Variants in AZIN2 observed in about 807,000 individuals in gnomAD.
AZIN2 encodes the protein ODC antizyme inhibitor-2.
Under a neutral mutation model 47.8 loss-of-function variants are expected in AZIN2, and 28 were observed. The observed-to-expected ratio is 0.59, with a 90% confidence interval of 0.43 to 0.80. AZIN2 has a LOEUF of 0.80. AZIN2 is among the 30% of genes least tolerant of loss of function. AZIN2 has a pLI of 0.00. For synonymous variants in AZIN2, 221 were observed against 239.4 expected, an observed-to-expected ratio of 0.92 and a Z score of 0.71; for missense variants, 535 against 582.5, an observed-to-expected ratio of 0.92 and a Z score of 0.84.
At chr1:33,119,639 A>G (rs554558174) in intron 11 of AZIN2, 3 of 195,436 alleles carry the variant, frequency 1.5e-5, no homozygotes, top group Non-Finnish European at 3.2e-5. Flanking sequence ...CTTTCGAGTG[A>G]GAGTTGGGTT....
At chr1:33,125,731 C>T (rs186795498), downstream of AZIN2, among the ~76,000 whole-genome samples, 74 of 149,898 alleles carry the variant, frequency 4.9e-4, 1 homozygote, top group African/African-American at 1.7e-3. Flanking sequence ...GTTCATCACA[C>T]GCCCTTTCCT....
the AZIN2 span, among the ~76,000 whole-genome samples, chr1:33,149,301 C>A: frequency 1.3e-5 from 2 of 152,078 alleles, no homozygotes; most frequent in Admixed American, 1.3e-4. Flanking sequence ...TATAGGCACG[C>A]GCCACCACGC....
the AZIN2 span, among the ~76,000 whole-genome samples, chr1:33,130,372 C>G: frequency 6.6e-6 from 1 of 152,202 alleles, no homozygotes; most frequent in African/African-American, 2.4e-5. Context: ...TACAAAAACT[C>G]CCTGTGGCTT....
rs2981949 is a variant in AZIN2 at position 33,084,939 on chromosome 1, C to T, written c.279+812C>T. Among the ~76,000 whole-genome samples, 3 of 152,204 alleles carry T rather than the reference C, an allele frequency of 2.0e-5. No individual in the cohort carries two copies. In the South Asian group the frequency reaches 6.2e-4, roughly 31 times the overall value. On this transcript the variant is annotated intron_variant, in intron 5 of 11. Coordinates refer to ENST00000294517, the MANE Select transcript of AZIN2 (RefSeq NM_052998.4). The stretch of plus-strand genomic sequence containing the variant: ...TTACTTATCTACTGTCATTCAGTAT[C>T]TACTGAACTCCTACAGCGTGTAGTC...
chr1:33,119,918 C>G (rs1473832808), intron 11 of AZIN2, 126 bp from the exon 12 acceptor site: 1 of 1,351,860 alleles, frequency 7.4e-7, no homozygotes, highest in African/African-American at 1.4e-5. Context: ...CAGCCTGTCC[C>G]TGCCCCTGCC....
chr1:33,129,667 G>C, the AZIN2 span, among the ~76,000 whole-genome samples: 2 of 152,026 alleles, frequency 1.3e-5, no homozygotes, highest in Non-Finnish European at 2.9e-5. The surrounding 1 kb of genome is among the most constrained non-coding windows in gnomAD (Gnocchi z 4.1). Flanking sequence ...TTCCCTTCTC[G>C]AAGAGAAAAC....
the AZIN2 span, among the ~76,000 whole-genome samples, chr1:33,140,907 G>A: frequency 2.0e-5 from 3 of 152,178 alleles, no homozygotes; most frequent in Non-Finnish European, 4.4e-5. This position sits in a 1 kb window ranked among gnomAD's most constrained non-coding sequence, Gnocchi z 4.0. Flanking sequence ...AGGTTCCCAG[G>A]GGGTAGGAGG....
intron 5 of AZIN2, 146 bp downstream of exon 5, chr1:33,084,273 CAA>C: frequency 1.2e-6 from 1 of 858,366 alleles, no homozygotes; most frequent in Non-Finnish European, 1.8e-6. Flanking sequence ...GGAGGGGTCT[CAA>C]GGGATGAGGG....
At chr1:33,165,703 A>G in the AZIN2 span, 17 of 635,384 alleles carry the variant, frequency 2.7e-5, no homozygotes, top group Non-Finnish European at 4.1e-5. The surrounding 1 kb of genome is among the most constrained non-coding windows in gnomAD (Gnocchi z 4.0). Context: ...TCACAGTTCA[A>G]CCACCAGCAA....
intron 5 of AZIN2, among the ~76,000 whole-genome samples, chr1:33,089,500 A>G (rs1311196499): frequency 1.3e-5 from 2 of 152,196 alleles, no homozygotes; most frequent in Non-Finnish European, 2.9e-5. Flanking sequence ...CCAAAGTGCT[A>G]AAGTGCTAAC....
chr1:33,165,537 A>T, the AZIN2 span: 15 of 1,610,696 alleles, frequency 9.3e-6, no homozygotes, highest in Non-Finnish European at 1.0e-5. The surrounding 1 kb of genome is among the most constrained non-coding windows in gnomAD (Gnocchi z 4.0). Flanking sequence ...CGCTGTCTTG[A>T]AGGGCCTGAA....
At position 33,122,804 on chromosome 1, in the gene AZIN2, ACACT is replaced by A. The variant is rs142551733; in HGVS notation, c.*2628_*2631del. On this transcript the variant is annotated 3_prime_UTR_variant, in exon 12 of 12. Transcript: ENST00000294517. ...GCCTCCTGAAGCCCCTCCTGCGCGC[ACACT>A]CACTCTCTCTCATTCTCTCCTTCAA... Among the ~76,000 whole-genome samples, 682 of 152,186 alleles carry A rather than the reference ACACT, an allele frequency of 4.5e-3. 1 individual carries two copies. Among genetic ancestry groups the A allele is most frequent in the African/African-American group, 0.016 (652 of 41,526 alleles).
the AZIN2 span, among the ~76,000 whole-genome samples, chr1:33,130,085 C>G: frequency 6.6e-6 from 1 of 152,180 alleles, no homozygotes; most frequent in Non-Finnish European, 1.5e-5. Context: ...TCTCAAACTC[C>G]TGACCTCACG....
intron 10 of AZIN2, among the ~76,000 whole-genome samples, chr1:33,112,561 G>A (rs1044204215): frequency 6.6e-6 from 1 of 152,202 alleles, no homozygotes; most frequent in African/African-American, 2.4e-5. Flanking sequence ...TGAAAGTGAG[G>A]ATGGTGGTTA....
chr1:33,104,863 T>C (rs966001406), intron 10 of AZIN2, among the ~76,000 whole-genome samples: 3 of 152,174 alleles, frequency 2.0e-5, no homozygotes, highest in African/African-American at 7.2e-5. Context: ...TATGCCTGGC[T>C]AATTTTTGTA....
intron 5 of AZIN2, among the ~76,000 whole-genome samples, chr1:33,085,703 G>C (rs1641814782): frequency 6.6e-6 from 1 of 152,182 alleles, no homozygotes; most frequent in African/African-American, 2.4e-5. Context: ...AGCAGGGACC[G>C]AATGTTAATG....
At chr1:33,129,880 A>C in the AZIN2 span, among the ~76,000 whole-genome samples, 3 of 152,020 alleles carry the variant, frequency 2.0e-5, no homozygotes, top group Admixed American at 2.0e-4. This position sits in a 1 kb window ranked among gnomAD's most constrained non-coding sequence, Gnocchi z 4.1. Flanking sequence ...TTATTTTGAG[A>C]CGGAGTTTTG....
chr1:33,161,205 G>A, the AZIN2 span, among the ~76,000 whole-genome samples: 2 of 152,228 alleles, frequency 1.3e-5, no homozygotes, highest in African/African-American at 4.8e-5. The surrounding 1 kb of genome is among the most constrained non-coding windows in gnomAD (Gnocchi z 4.3). Context: ...TCTAATAAGC[G>A]TTTCCCGGAA....
At chr1:33,087,944 C>T (rs138464293) in intron 5 of AZIN2, among the ~76,000 whole-genome samples, 97 of 152,280 alleles carry the variant, frequency 6.4e-4, no homozygotes, top group African/African-American at 2.2e-3. Flanking sequence ...TTCTAATCTG[C>T]ATATTGCTCT....
Sources: gnomAD v4.1 joint callset for allele counts (sites outside exome capture counted in the v4.1 genomes callset) on GRCh38, gnomAD v4.1.1 for gene constraint, Gnocchi (gnomAD v3.1) non-coding constraint, MANE v1.5 for transcripts, NCBI Gene and HGNC (gene_info 2026-07-23, HGNC 2026-07-21) for gene names.